USP32: variants seen among roughly 807,000 people sequenced by gnomAD.
USP32 encodes the protein ubiquitin carboxyl-terminal hydrolase 32.
USP32 carries 59 observed loss-of-function variants against 204.8 expected under a neutral mutation model. That is an observed-to-expected ratio of 0.29 (90% confidence interval 0.23 to 0.36). USP32 has a LOEUF of 0.36. Ranked by LOEUF, USP32 falls within the 10% of genes least tolerant of loss-of-function variation. The pLI, the probability that USP32 is intolerant of heterozygous loss-of-function variation, is 1.00. For synonymous variants in USP32, 517 were observed against 678.4 expected (o/e 0.76, Z 3.70); for missense variants, 1,160 against 1,946.4 (o/e 0.60, Z 7.60).
chr17:60,390,884 A>G (rs867924074), intron 1 of USP32, among the ~76,000 whole-genome samples: 3 of 116,338 alleles, frequency 2.6e-5, no homozygotes, highest in African/African-American at 9.8e-5. Context: ...AAGAAATACA[A>G]GCATACACAG....
intron 11 of USP32, among the ~76,000 whole-genome samples, chr17:60,245,925 T>G (rs760049265): frequency 1.8e-4 from 27 of 151,762 alleles, no homozygotes; most frequent in Non-Finnish European, 2.4e-4. Context: ...TATATGTTTT[T>G]GGGGTACATG....
chr17:60,190,509 G>A (rs2084353139), intron 29 of USP32, 54 bp downstream of exon 29: 1 of 1,503,478 alleles, frequency 6.7e-7, no homozygotes, highest in East Asian at 2.5e-5. Context: ...TAGTTACACT[G>A]GTGGAAATTT....
In USP32 at chr17:60,345,521, C is replaced by CGGATGAAGCAGTGCT; in HGVS notation, c.131_145dup (p.Gln44_Ile48dup). The CGGATGAAGCAGTGCT allele has an allele frequency of 6.2e-7, 1 of 1,614,140 alleles. No individual in the cohort carries two copies. Among genetic ancestry groups the CGGATGAAGCAGTGCT allele is most frequent in the Non-Finnish European group, 8.5e-7 (1 of 1,180,004 alleles). ...AGGCACTCCATCCCCAAGCACTTCC[C>CGGATGAAGCAGTGCT]GGATGAAGCAGTGCTGGCCCATGTA... On this transcript the variant is annotated inframe_insertion, in exon 2 of 34. Coordinates refer to ENST00000300896, the MANE Select transcript of USP32 (RefSeq NM_032582.4).
chr17:60,327,859 T>C (rs1369340288), intron 2 of USP32, among the ~76,000 whole-genome samples: 2 of 152,178 alleles, frequency 1.3e-5, no homozygotes, highest in African/African-American at 4.8e-5. Context: ...CGGCCAGGTA[T>C]GTGGACACTC....
intron 2 of USP32, among the ~76,000 whole-genome samples, chr17:60,310,504 T>C (rs949472424): frequency 1.3e-5 from 2 of 150,992 alleles, no homozygotes; most frequent in Non-Finnish European, 2.9e-5. Context: ...ATTAAGACCT[T>C]CCTGTCCAAT....
At chr17:60,351,443 T>C (rs992949101) in intron 1 of USP32, among the ~76,000 whole-genome samples, 9 of 151,902 alleles carry the variant, frequency 5.9e-5, no homozygotes, top group African/African-American at 1.9e-4. Context: ...CAGGCTTCTT[T>C]TTTTTTTTCG....
chr17:60,189,659 G>A (rs1161770073), intron 29 of USP32, among the ~76,000 whole-genome samples: 1 of 152,212 alleles, frequency 6.6e-6, no homozygotes, highest in East Asian at 1.9e-4. Flanking sequence ...TGGCCAGACA[G>A]TGACAATAGA....
chr17:60,393,901 C>T, upstream of USP32, among the ~76,000 whole-genome samples: 1 of 152,166 alleles, frequency 6.6e-6, no homozygotes, highest in South Asian at 2.1e-4. Flanking sequence ...TCAGGCTGTT[C>T]TCGAACTCGC....
intron 2 of USP32, among the ~76,000 whole-genome samples, chr17:60,305,459 C>T (rs935785437): frequency 4.6e-5 from 7 of 152,186 alleles, no homozygotes; most frequent in Non-Finnish European, 1.0e-4. Context: ...AAACACCTCC[C>T]ACGAGGCCCC....
At chr17:60,400,994 C>T (rs1433652378) in intron 1 of USP32, among the ~76,000 whole-genome samples, 1 of 151,856 alleles carries the variant, frequency 6.6e-6, no homozygotes, top group Admixed American at 6.6e-5. Flanking sequence ...CCCATCTCTA[C>T]AAAAAGATTT....
At chr17:60,229,844 C>CG (rs2085497798) in intron 12 of USP32, among the ~76,000 whole-genome samples, 1 of 151,928 alleles carries the variant, frequency 6.6e-6, no homozygotes, top group Non-Finnish European at 1.5e-5. Flanking sequence ...GACAGAGTCT[C>CG]GCTTTGTTGC....
chr17:60,245,485 TTTG>T (rs1479785013), intron 11 of USP32: 1 of 336,434 alleles, frequency 3.0e-6, no homozygotes, highest in Non-Finnish European at 5.7e-6. Context: ...CAGCATGTGG[TTTG>T]TTTTTTGTTG....
In USP32 at chr17:60,411,830, T is replaced by C. The variant is rs143435866; in HGVS notation, c.106+10416A>G. Among the ~76,000 whole-genome samples, 18 of 152,352 alleles carry C rather than the reference T, an allele frequency of 1.2e-4. 1 individual carries two copies. The East Asian group carries it at 2.9e-3, about 24-fold the overall frequency. On this transcript the variant is annotated intron_variant, in intron 1 of 3. Transcript: ENST00000588898. ...ATATATGAGGATTTCATTCTTTCTG[T>C]GGTTGAATAATATTCTATTGCATGC...
At chr17:60,233,981 G>A (rs910360775) in intron 12 of USP32, among the ~76,000 whole-genome samples, 4 of 152,002 alleles carry the variant, frequency 2.6e-5, no homozygotes, top group African/African-American at 9.7e-5. Flanking sequence ...ACAGGGTCTT[G>A]CTCTGTCACC....
chr17:60,208,869 A>G, intron 22 of USP32, 41 bp from the exon 23 acceptor site: 1 of 1,513,656 alleles, frequency 6.6e-7, no homozygotes, highest in Non-Finnish European at 8.8e-7. Flanking sequence ...CAAAATCCAA[A>G]AGAGAAGCAT....
intron 3 of USP32, among the ~76,000 whole-genome samples, chr17:60,296,658 A>T (rs965067597): frequency 1.3e-5 from 2 of 152,320 alleles, no homozygotes; most frequent in South Asian, 2.1e-4. Flanking sequence ...ATCACATTTT[A>T]AAAAATGAAG....
Position 60,391,887 on chromosome 17 carries a change from C to T in USP32, c.53G>A (p.Arg18Lys), listed in dbSNP as rs373254080. ...CCAGACCCCTCCCCCCTCACCTCTC[C>T]TCAGCGCCTCCTCGTAGCTGAGGAA... Reference protein sequence around the residue: ...IGFLSYEEALRRVTDVELKRL... With the variant: ...IGFLSYEEALKRVTDVELKRL... Residue 18 changes from arginine to lysine, a missense_variant, in exon 1 of 34, where the codon AGG becomes AAG. Arg to Lys is a conservative substitution (Grantham distance 26, BLOSUM62 2). Coordinates refer to ENST00000300896, the MANE Select transcript of USP32 (RefSeq NM_032582.4). The T allele has an allele frequency of 1.4e-5, 23 of 1,611,374 alleles. No individual in the cohort carries two copies. In the African/African-American group the frequency reaches 2.1e-4, roughly 15 times the overall value.
At chr17:60,222,830 C>T (rs2085288994) in intron 14 of USP32, among the ~76,000 whole-genome samples, 1 of 151,646 alleles carries the variant, frequency 6.6e-6, no homozygotes, top group Admixed American at 6.6e-5. Context: ...TACAGGCACA[C>T]GTCACCATGC....
At chr17:60,344,294 A>T (rs2088731215) in intron 2 of USP32, among the ~76,000 whole-genome samples, 1 of 151,392 alleles carries the variant, frequency 6.6e-6, no homozygotes, top group South Asian at 2.1e-4. Context: ...AAGCCCAGCT[A>T]ATTTTTTGTA....
Sources: allele counts gnomAD v4.1 joint callset (sites outside exome capture counted in the v4.1 genomes callset), GRCh38; gene constraint gnomAD v4.1.1; transcripts MANE v1.5; gene names NCBI Gene and HGNC (gene_info 2026-07-23, HGNC 2026-07-21).